Variants in COL4A4 observed in about 807,000 individuals in gnomAD.
COL4A4 encodes the protein collagen type IV alpha 4 chain.
COL4A4 carries 105 observed loss-of-function variants against 192.9 expected under a neutral mutation model. The observed-to-expected ratio is 0.54, with a 90% confidence interval of 0.46 to 0.64. The LOEUF is 0.64. Among genes scored for constraint, COL4A4 ranks in the 30% least tolerant of loss-of-function variants. COL4A4 has a pLI of 0.00. For synonymous variants in COL4A4, 762 were observed against 769.9 expected (o/e 0.99, Z 0.17); for missense variants, 1,967 against 2,169.3 (o/e 0.91, Z 1.85).
chr2:227,116,119 ACT>A (rs748357192), intron 7 of COL4A4, among the ~76,000 whole-genome samples: 3 of 152,196 alleles, frequency 2.0e-5, no homozygotes, highest in Non-Finnish European at 2.9e-5. Context: ...TCCTGGACTG[ACT>A]AAAATTAGGG....
intron 1 of COL4A4, among the ~76,000 whole-genome samples, chr2:227,151,408 T>C (rs968413335): frequency 1.3e-5 from 2 of 152,178 alleles, no homozygotes; most frequent in African/African-American, 4.8e-5. Context: ...TTGGGCCTTT[T>C]TATTTCGTAT....
intron 37 of COL4A4, among the ~76,000 whole-genome samples, chr2:227,039,094 G>A (rs371644014): frequency 2.6e-5 from 4 of 152,134 alleles, no homozygotes; most frequent in African/African-American, 9.7e-5. Context: ...TCATAGCACG[G>A]AATTATGATG....
chr2:227,065,045 C>T (rs922179964), intron 25 of COL4A4, among the ~76,000 whole-genome samples: 19 of 152,180 alleles, frequency 1.2e-4, no homozygotes, highest in Non-Finnish European at 2.6e-4. Flanking sequence ...GTGCACGAGC[C>T]GAAGCAGGGC....
intron 37 of COL4A4, among the ~76,000 whole-genome samples, chr2:227,041,848 GAGAA>G (rs71036154): frequency 0.03 from 1,140 of 38,564 alleles, 45 homozygotes; most frequent in African/African-American, 0.033. Context: ...AAGAAAGAAA[GAGAA>G]AGAAAGAAAG....
In COL4A4 at chr2:227,014,912, T is replaced by C. The variant is rs566181865; in HGVS notation, c.4217-2615A>G. Among the ~76,000 whole-genome samples the C allele has an allele frequency of 2.7e-5, 4 of 149,516 alleles. No homozygotes were observed. In the South Asian group the frequency reaches 8.7e-4, roughly 33 times the overall value. ...CCTGGCTTTTTTTTTTTTTTTTTTT[T>C]TTCTGAGATGGAGTCTTTCTCTGTT... is the stretch of plus-strand genomic sequence containing the variant. On this transcript the variant is annotated intron_variant, in intron 44 of 47. Transcript: ENST00000396625.
intron 25 of COL4A4, among the ~76,000 whole-genome samples, chr2:227,071,665 T>G (rs2058731883): frequency 6.6e-6 from 1 of 152,100 alleles, no homozygotes; most frequent in Admixed American, 6.6e-5. Flanking sequence ...TAAGTCTCAA[T>G]AAATTTTTTA....
At chr2:227,147,377 T>A (rs1373200095) in intron 2 of COL4A4, 36 bp downstream of exon 2, 1 of 1,588,820 alleles carries the variant, frequency 6.3e-7, no homozygotes, top group African/African-American at 1.3e-5. Flanking sequence ...TAGAAATTAC[T>A]AAATAAAAGC....
intron 10 of COL4A4, 156 bp downstream of exon 10, chr2:227,109,068 A>C: frequency 1.1e-6 from 1 of 894,752 alleles, no homozygotes. Flanking sequence ...GTGCTTCAAG[A>C]TGGAGTCCCA....
chr2:227,028,012 T>TAA lies in COL4A4; in HGVS notation c.3974-5_3974-4dup. The TAA allele has an allele frequency of 2.8e-5, 41 of 1,447,252 alleles. No homozygotes were observed. The highest frequency in any genetic ancestry group is 5.0e-5 in the South Asian group (4 of 79,812). The allele number at this position is 1,447,252 out of a possible 1,614,324, so 89.7% of individuals were successfully genotyped here. On this transcript the variant is annotated splice_polypyrimidine_tract_variant and splice_region_variant and intron_variant, in intron 41 of 47. Transcript: ENST00000396625. ...CGGTCCCGGGAATCCCACTGGTCCT[T>TAA]AAAAAAAAACAAAACATAAAAATGA...
At chr2:227,145,640 G>C (rs765693446) in intron 2 of COL4A4, among the ~76,000 whole-genome samples, 6 of 152,166 alleles carry the variant, frequency 3.9e-5, no homozygotes, top group Non-Finnish European at 8.8e-5. Context: ...TGCCATCCTT[G>C]TTCTTTTGTT....
Position 227,007,601 on chromosome 2 carries a change from CAAG to C in COL4A4, c.4810-16_4810-14del, listed in dbSNP as rs1962443142. On this transcript the variant is annotated splice_polypyrimidine_tract_variant and intron_variant, in intron 47 of 47. Transcript: ENST00000396625. ...CAGCTCCTGTGTGCTACCCAGAAAA[CAAG>C]AGAGAATTAGGGCTCAGACACACAC... 3 of 1,612,258 alleles carry C rather than the reference CAAG, an allele frequency of 1.9e-6. No homozygotes were observed. The highest frequency in any genetic ancestry group is 2.5e-6 in the Non-Finnish European group (3 of 1,180,028).
At chr2:226,983,905 T>C in the COL4A4 span, among the ~76,000 whole-genome samples, 2 of 152,202 alleles carry the variant, frequency 1.3e-5, no homozygotes, top group African/African-American at 4.8e-5. Flanking sequence ...TACCTTTAGC[T>C]GAACAGAAGA....
At chr2:227,052,220 G>T in intron 32 of COL4A4, 85 bp downstream of exon 32, 3 of 839,214 alleles carry the variant, frequency 3.6e-6, no homozygotes, top group Non-Finnish European at 4.1e-6. Flanking sequence ...TCTAATCTCA[G>T]TGTTATTGGG....
the COL4A4 span, among the ~76,000 whole-genome samples, chr2:226,972,506 G>A: frequency 3.9e-5 from 6 of 152,162 alleles, no homozygotes; most frequent in East Asian, 9.6e-4. Context: ...GCTCCACCCA[G>A]TTCATCTGGA....
intron 46 of COL4A4, among the ~76,000 whole-genome samples, chr2:227,008,539 C>T (rs1962749073): frequency 6.6e-6 from 1 of 152,150 alleles, no homozygotes. Context: ...TGGAGGTGGG[C>T]ACCAAGCACA....
In COL4A4 at chr2:227,003,537, T is replaced by C. The variant is rs1961460310; in HGVS notation, c.*3788A>G. 1 of 152,230 alleles carries C rather than the reference T, an allele frequency of 6.6e-6. No individual in the cohort carries two copies. 9.4% of individuals were successfully genotyped at this position (152,230 alleles called of 1,614,324 possible). A position where few individuals can be genotyped will look rare whatever the true frequency, so the allele number is the denominator to read the frequency against. ...TTATCAGATTATTCCAGTGAGCTGA[T>C]AGAAACACAGATCTAATATAATTTC... On this transcript the variant is annotated 3_prime_UTR_variant, in exon 48 of 48. Coordinates refer to ENST00000396625, the MANE Select transcript of COL4A4 (RefSeq NM_000092.5).
intron 43 of COL4A4, 136 bp from the exon 44 acceptor site, chr2:227,022,309 T>TTCA: frequency 8.4e-7 from 1 of 1,185,398 alleles, no homozygotes; most frequent in Non-Finnish European, 1.3e-6. Flanking sequence ...TCAGTATAAA[T>TTCA]GTTTGTAAAG....
intron 1 of COL4A4, among the ~76,000 whole-genome samples, chr2:227,162,677 G>C (rs1323638706): frequency 6.6e-6 from 1 of 152,124 alleles, no homozygotes; most frequent in African/African-American, 2.4e-5. Flanking sequence ...TTCAACATGT[G>C]CGTGAAATTT....
In COL4A4 at chr2:227,057,552, C is replaced by G. The variant is rs1002702539; in HGVS notation, c.2432G>C (p.Arg811Thr). ...ACCTGGAAACCCAGCATGTCCCTCT[C>G]TGCCTTTGGGACCTTTGAGACCTAG... The part of the protein sequence containing the change: ...GFLGLKGPKG[R>T]EGHAGFPGVP... Residue 811 changes from arginine to threonine, a missense_variant, in exon 29 of 48, where the codon AGA becomes ACA. Coordinates refer to ENST00000396625, the MANE Select transcript of COL4A4 (RefSeq NM_000092.5). 18 of 1,614,124 alleles carry G rather than the reference C, an allele frequency of 1.1e-5. No individual in the cohort carries two copies. The highest frequency in any genetic ancestry group is 1.4e-5 in the Non-Finnish European group (17 of 1,180,014).
Sources: gnomAD v4.1 joint callset for allele counts (sites outside exome capture counted in the v4.1 genomes callset) on GRCh38, gnomAD v4.1.1 for gene constraint, MANE v1.5 for transcripts, NCBI Gene and HGNC (gene_info 2026-07-23, HGNC 2026-07-21) for gene names.